The following ATP8B2 variants were observed in gnomAD, a reference collection of about 807,000 sequenced individuals.
The protein encoded by ATP8B2 is ATPase phospholipid transporting 8B2, also known as phospholipid-transporting ATPase ID.
A neutral mutation model predicts 133.4 loss-of-function variants in ATP8B2; 70 were observed. The ratio of observed to expected loss-of-function variants is 0.52; its 90% CI spans 0.43 to 0.64. The LOEUF is 0.64. Ranked by LOEUF, ATP8B2 falls within the 30% of genes least tolerant of loss-of-function variation. The pLI is 0.00. For synonymous variants in ATP8B2, 517 were observed against 589.5 expected (o/e 0.88, Z 1.78); for missense variants, 1,101 against 1,535.7 (o/e 0.72, Z 4.73).
Position 154,346,728 on chromosome 1 carries a change from G to A in ATP8B2, c.3133G>A (p.Asp1045Asn), listed in dbSNP as rs187911863. The A allele has an allele frequency of 2.2e-5, 35 of 1,614,046 alleles. No individual in the cohort carries two copies. The highest frequency in any genetic ancestry group is 1.6e-4 in the Middle Eastern group (1 of 6,084). Residue 1045 changes from aspartate to asparagine, a missense_variant, in exon 26 of 28, where the codon GAC becomes AAC. Physicochemically the swap from Asp to Asn is conservative, Grantham distance 23. Coordinates refer to ENST00000368489, the MANE Select transcript of ATP8B2 (RefSeq NM_001370597.1). The surrounding 1 kb of genome is among the most constrained non-coding windows in gnomAD (Gnocchi z 4.5). ...TGCCATGCACAGCAATGGGCTCTTC[G>A]ACATGTTTCCCAACCAGTTCCGGTT... ...LFAMHSNGLF[D>N]MFPNQFRFVG...
chr1:154,347,684 TA>T (rs988556108), intron 26 of ATP8B2, among the ~76,000 whole-genome samples: 21 of 152,114 alleles, frequency 1.4e-4, no homozygotes, highest in African/African-American at 5.1e-4. Context: ...CTCAAGCCTA[TA>T]ATCCCAGTAC....
At chr1:154,330,779 G>T (rs1181742907) in intron 3 of ATP8B2, 36 bp from the exon 4 acceptor site, 1 of 1,565,526 alleles carries the variant, frequency 6.4e-7, no homozygotes, top group Non-Finnish European at 8.8e-7. Flanking sequence ...GGTTGGGACT[G>T]GAGACTGCTC....
rs1686524207 is a variant in ATP8B2, at chr1:154,344,772, A to G, written c.2273A>G (p.Asn758Ser). The part of the protein sequence containing the change: ...AVAGEYALVI[N>S]GHSLAHALEA... ...GCTGGGGAGTACGCCCTGGTCATAA[A>G]TGGTCACAGCCTGGTAGGCATCGCT... Residue 758 changes from asparagine (N) to serine (S), a missense_variant, in exon 21 of 28, where the codon AAT (asparagine) becomes AGT (serine). Transcript: ENST00000368489. This position sits in a 1 kb window ranked among gnomAD's most constrained non-coding sequence, Gnocchi z 4.1. 6.2e-7 allele frequency: 1 copy of G among 1,601,286 alleles called. No homozygotes were observed. The highest frequency in any genetic ancestry group is 1.7e-5 in the Admixed American group (1 of 59,678).
At position 154,343,492 on chromosome 1, in the gene ATP8B2, G is replaced by A; in HGVS notation, c.1682G>A (p.Gly561Glu). The change falls in exon 17 of 28, where the codon GGG (glycine) becomes GAG (glutamate). Residue 561 changes from glycine to glutamate, a missense_variant. Physicochemically the swap from Gly to Glu is moderately conservative, Grantham distance 98. Coordinates refer to ENST00000368489, the MANE Select transcript of ATP8B2 (RefSeq NM_001370597.1). This position sits in a 1 kb window ranked among gnomAD's most constrained non-coding sequence, Gnocchi z 5.8. ...PEGKIRLYCK[G>E]ADTILLDRLH... is the part of the protein sequence containing the mutation. ...GGGAAGATCCGACTCTACTGCAAAG[G>A]GGCTGACACTATCCTACTGGACAGA... 1 of 1,614,014 alleles carries A rather than the reference G, an allele frequency of 6.2e-7. No individual in the cohort carries two copies. Among genetic ancestry groups the A allele is most frequent in the Non-Finnish European group, 8.5e-7 (1 of 1,180,016 alleles).
Position 154,340,648 on chromosome 1 carries a change from G to A in ATP8B2, c.1035-206G>A, listed in dbSNP as rs1686348593. 3.3e-6 allele frequency: 2 copies of A among 598,866 alleles called. No homozygotes were observed. Among genetic ancestry groups the A allele is most frequent in the Non-Finnish European group, 6.1e-6 (2 of 328,252 alleles). 37.1% of individuals were successfully genotyped at this position (598,866 alleles called of 1,614,324 possible). A position where few individuals can be genotyped will look rare whatever the true frequency, so the allele number is the denominator to read the frequency against. On this transcript the variant is annotated intron_variant, in intron 12 of 27. Coordinates refer to ENST00000368489, the MANE Select transcript of ATP8B2 (RefSeq NM_001370597.1). The surrounding 1 kb of genome is among the most constrained non-coding windows in gnomAD (Gnocchi z 4.0). ...CTTCTTGTCTGGAGAGCATCAGGAG[G>A]GTCGGGTCGGGGCGTTCCTCTGCTG...
Position 154,345,636 on chromosome 1 carries a change from A to G in ATP8B2, c.2694+91A>G. The stretch of plus-strand genomic sequence containing the variant: ...TTTATCACTCAGTCCCCCAGGGCCT[A>G]GCTATTTTCTGGTACATACTCTTAA... On this transcript the variant is annotated intron_variant, in intron 23 of 27. Transcript: ENST00000368489. The surrounding 1 kb of genome is among the most constrained non-coding windows in gnomAD (Gnocchi z 5.6). The G allele has an allele frequency of 7.3e-7, 1 of 1,368,320 alleles. No homozygotes were observed. 84.8% of individuals were successfully genotyped at this position (1,368,320 alleles called of 1,614,324 possible). A position where few individuals can be genotyped will look rare whatever the true frequency, so the allele number is the denominator to read the frequency against.
intron 8 of ATP8B2, among the ~76,000 whole-genome samples, chr1:154,332,413 G>A (rs1351516847): frequency 6.6e-6 from 1 of 152,176 alleles, no homozygotes; most frequent in African/African-American, 2.4e-5. Context: ...AAACTTAGCT[G>A]GGTATGGTGG....
chr1:154,332,046 A>T (rs746985593), intron 8 of ATP8B2, 22 bp downstream of exon 8: 1 of 1,602,600 alleles, frequency 6.2e-7, no homozygotes, highest in Non-Finnish European at 8.6e-7. Context: ...GCTCAGTGTC[A>T]GCCCTCTCCT....
chr1:154,347,719 T>C (rs1222146975), intron 26 of ATP8B2, among the ~76,000 whole-genome samples: 1 of 152,054 alleles, frequency 6.6e-6, no homozygotes, highest in Admixed American at 6.6e-5. Context: ...GGTAGGCGGA[T>C]TACCTGAGGT....
In ATP8B2 at chr1:154,330,834, C is replaced by T. The variant is rs762480331; in HGVS notation, c.110C>T (p.Ser37Phe). ...CCATAGAGTAACTGCATCAAGACCT[C>T]CAAGTACAATATTCTCACCTTCCTG... is the stretch of plus-strand genomic sequence containing the variant. ...FQYASNCIKT[S>F]KYNILTFLPV... The change falls in exon 4 of 28, where the codon TCC (serine) becomes TTC (phenylalanine). Residue 37 changes from serine (S) to phenylalanine (F), a missense_variant. By Grantham distance (155) the Ser-to-Phe change is radical. Coordinates refer to ENST00000368489, the MANE Select transcript of ATP8B2 (RefSeq NM_001370597.1). The T allele has an allele frequency of 6.2e-7, 1 of 1,614,068 alleles. No homozygotes were observed. The highest frequency in any genetic ancestry group is 1.1e-5 in the South Asian group (1 of 91,076).
At chr1:154,341,355 T>C in intron 13 of ATP8B2, 1 of 436,614 alleles carries the variant, frequency 2.3e-6, no homozygotes, top group Non-Finnish European at 4.3e-6. Flanking sequence ...TATGGTGGCA[T>C]GCACCTGTGG....
At chr1:154,337,023 C>G (rs2149166802) in intron 11 of ATP8B2, among the ~76,000 whole-genome samples, 1 of 152,020 alleles carries the variant, frequency 6.6e-6, no homozygotes, top group East Asian at 1.9e-4. Flanking sequence ...GTCTCAAACT[C>G]CTGACCTCAG....
intron 2 of ATP8B2, chr1:154,329,154 C>G: frequency 8.6e-7 from 1 of 1,162,606 alleles, no homozygotes; most frequent in Non-Finnish European, 1.1e-6. Flanking sequence ...TTGTCCCCAG[C>G]CTCCCCCTAC....
chr1:154,340,604 C>G lies in ATP8B2; in HGVS notation c.1035-250C>G, dbSNP rs750965580. 1.3e-5 allele frequency: 7 copies of G among 544,610 alleles called. No individual in the cohort carries two copies. The highest frequency in any genetic ancestry group is 2.4e-5 in the Non-Finnish European group (7 of 294,994). 33.7% of individuals were successfully genotyped at this position (544,610 alleles called of 1,614,324 possible). On this transcript the variant is annotated intron_variant, in intron 12 of 27. Coordinates refer to ENST00000368489, the MANE Select transcript of ATP8B2 (RefSeq NM_001370597.1). The surrounding 1 kb of genome is among the most constrained non-coding windows in gnomAD (Gnocchi z 4.0). ...TTTCCTCCTTTGCTGTCTGTCCTGCCCACCCAGGCCCTTTGCACCTTCTTG... is the reference window on the plus strand; with the variant it reads ...TTTCCTCCTTTGCTGTCTGTCCTGCGCACCCAGGCCCTTTGCACCTTCTTG...
At chr1:154,337,105 G>GT (rs71077943) in intron 11 of ATP8B2, among the ~76,000 whole-genome samples, 44 of 73,786 alleles carry the variant, frequency 6.0e-4, no homozygotes, top group East Asian at 6.9e-4. Context: ...GCCCATAATA[G>GT]TTTTTTTTTT....
intron 8 of ATP8B2, 50 bp from the exon 9 acceptor site, chr1:154,332,568 C>A (rs1157481134): frequency 1.4e-6 from 2 of 1,437,436 alleles, no homozygotes; most frequent in Admixed American, 2.0e-5. Flanking sequence ...TGAAAAAAAA[C>A]ATTTAGAGGA....
At position 154,337,513 on chromosome 1, in the gene ATP8B2, A is replaced by T; in HGVS notation, c.1003A>T (p.Asn335Tyr). ...CTTCTGGTCCTACATCATCATCCTCAACACCGTTGTGCCCATTTCACTCTA... is the reference window on the plus strand; with the variant it reads ...CTTCTGGTCCTACATCATCATCCTCTACACCGTTGTGCCCATTTCACTCTA... ...LSFWSYIIIL[N>Y]TVVPISLYVS... Residue 335 changes from asparagine (N) to tyrosine (Y), a missense_variant, in exon 12 of 28, where the codon AAC becomes TAC. By Grantham distance (143) the Asn-to-Tyr change is moderately radical (BLOSUM62 -2). Transcript: ENST00000368489. 6.2e-7 allele frequency: 1 copy of T among 1,614,140 alleles called. No homozygotes were observed. Among genetic ancestry groups the T allele is most frequent in the South Asian group, 1.1e-5 (1 of 91,078 alleles).
Position 154,345,905 on chromosome 1 carries a change from A to G in ATP8B2, c.2778+22A>G. 1 of 1,578,804 alleles carries G rather than the reference A, an allele frequency of 6.3e-7. No individual in the cohort carries two copies. The highest frequency in any genetic ancestry group is 8.7e-7 in the Non-Finnish European group (1 of 1,148,058). ...TCAGGTATGGGGGAGTTTGATGATC[A>G]GATGGGATGCGGGGAAGGTCACTGC... On this transcript the variant is annotated intron_variant, in intron 24 of 27. Transcript: ENST00000368489. The surrounding 1 kb of genome is among the most constrained non-coding windows in gnomAD (Gnocchi z 5.6).
rs765593553 is a variant in ATP8B2, at chr1:154,346,399, G to C, written c.2947G>C (p.Asp983His). 9.9e-6 allele frequency: 16 copies of C among 1,614,204 alleles called. No homozygotes were observed. In the South Asian group the frequency reaches 1.8e-4, roughly 18 times the overall value. Residue 983 changes from aspartate (D) to histidine (H), a missense_variant, in exon 25 of 28, where the codon GAT becomes CAT. Coordinates refer to ENST00000368489, the MANE Select transcript of ATP8B2 (RefSeq NM_001370597.1). The surrounding 1 kb of genome is among the most constrained non-coding windows in gnomAD (Gnocchi z 4.5). ...GGTGTTTGCTGATGCCACCCGGGAT[G>C]ATGGCACTCAGCTGGCTGACTACCA... Reference protein sequence around the residue: ...YGVFADATRDDGTQLADYQSF... With the variant: ...YGVFADATRDHGTQLADYQSF...
Sources: gnomAD v4.1 joint callset for allele counts (sites outside exome capture counted in the v4.1 genomes callset) on GRCh38, gnomAD v4.1.1 for gene constraint, Gnocchi (gnomAD v3.1) non-coding constraint, MANE v1.5 for transcripts, NCBI Gene and HGNC (gene_info 2026-07-23, HGNC 2026-07-21) for gene names.